The following NTRK3 variants were observed in gnomAD, a reference collection of about 807,000 sequenced individuals.
NTRK3 encodes NT-3 growth factor receptor.
In NTRK3, 24 loss-of-function variants were observed where a neutral mutation model predicts 91.7. The ratio of observed to expected loss-of-function variants is 0.26; its 90% CI spans 0.19 to 0.37. The LOEUF is 0.37. Among genes scored for constraint, NTRK3 ranks in the 10% least tolerant of loss-of-function variants. The pLI, the probability that NTRK3 is intolerant of heterozygous loss-of-function variation, is 1.00. For missense variants in NTRK3, 880 were observed against 1,068.9 expected (o/e 0.82, Z 2.46); for synonymous variants, 483 against 404.0 (o/e 1.20, Z -2.34).
chr15:88,142,723 G>A (rs969550947), intron 6 of NTRK3, among the ~76,000 whole-genome samples: 3 of 152,196 alleles, frequency 2.0e-5, no homozygotes, highest in African/African-American at 7.2e-5. Flanking sequence ...GATCTGAGTT[G>A]GGACAGCTGT....
At chr15:88,045,055 G>A (rs1425808707) in intron 13 of NTRK3, among the ~76,000 whole-genome samples, 1 of 152,134 alleles carries the variant, frequency 6.6e-6, no homozygotes, top group African/African-American at 2.4e-5. Context: ...GCCCATCTTA[G>A]GTAGCACATC....
intron 14 of NTRK3, among the ~76,000 whole-genome samples, chr15:87,944,177 T>C (rs1234494670): frequency 6.6e-6 from 1 of 152,198 alleles, no homozygotes; most frequent in Non-Finnish European, 1.5e-5. Flanking sequence ...AGGAAAGGAC[T>C]GGTTCCTCAT....
intron 17 of NTRK3, chr15:87,928,035 A>C (rs1432967005): frequency 6.6e-6 from 1 of 152,090 alleles, no homozygotes; most frequent in Non-Finnish European, 1.5e-5. Context: ...GCTGGAGTGC[A>C]GTGGTGTGAT....
intron 13 of NTRK3, among the ~76,000 whole-genome samples, chr15:88,079,658 G>T (rs1339057066): frequency 1.3e-5 from 2 of 152,150 alleles, no homozygotes; most frequent in Non-Finnish European, 2.9e-5. Flanking sequence ...TAGTGGACAT[G>T]CCATTTGACT....
chr15:88,016,924 C>G (rs1596720048), intron 14 of NTRK3, among the ~76,000 whole-genome samples: 1 of 125,084 alleles, frequency 8.0e-6, no homozygotes, highest in Non-Finnish European at 1.6e-5. Flanking sequence ...TATACCCTTT[C>G]AGACAGAGGT....
intron 13 of NTRK3, among the ~76,000 whole-genome samples, chr15:88,122,116 A>G (rs531284977): frequency 6.6e-6 from 1 of 152,392 alleles, no homozygotes; most frequent in African/African-American, 2.4e-5. Context: ...CAAGTTACTC[A>G]GAGTATAAGC....
chr15:88,060,601 TG>T (rs1414102210), intron 13 of NTRK3, among the ~76,000 whole-genome samples: 2 of 152,010 alleles, frequency 1.3e-5, no homozygotes, highest in Admixed American at 1.3e-4. Flanking sequence ...TGCATGACCA[TG>T]GGGACCATCC....
At chr15:88,190,908 A>T (rs2047332088) in intron 3 of NTRK3, among the ~76,000 whole-genome samples, 1 of 152,230 alleles carries the variant, frequency 6.6e-6, no homozygotes, top group African/African-American at 2.4e-5. Flanking sequence ...ATGTAAAGTA[A>T]GCGTAAATAG....
chr15:88,206,658 G>GAA (rs758639696), intron 3 of NTRK3, among the ~76,000 whole-genome samples: 60 of 59,514 alleles, frequency 1.0e-3, no homozygotes, highest in African/African-American at 2.4e-3. Context: ...ACTCCGTCTC[G>GAA]AAAAAAAAAA....
At chr15:88,256,696 C>T (rs1397668529) in exon 1 of NTRK3, 2 of 384,686 alleles carry the variant, frequency 5.2e-6, no homozygotes, top group African/African-American at 2.1e-5. Context: ...CTGCAGCAGC[C>T]GCCGCGAATG....
At chr15:87,910,296 G>A (rs990047272) in intron 17 of NTRK3, among the ~76,000 whole-genome samples, 17 of 152,188 alleles carry the variant, frequency 1.1e-4, no homozygotes, top group African/African-American at 3.1e-4. Context: ...GCATGGACCC[G>A]GGCAGCTCCT....
intron 6 of NTRK3, 82 bp from the exon 7 acceptor site, chr15:88,137,643 A>ACCCGACC: frequency 6.9e-7 from 1 of 1,445,850 alleles, no homozygotes; most frequent in Non-Finnish European, 9.6e-7. Flanking sequence ...GACAAGGGGG[A>ACCCGACC]CCCGACCTGT....
At chr15:88,117,203 T>C (rs570637848) in intron 13 of NTRK3, among the ~76,000 whole-genome samples, 1 of 152,354 alleles carries the variant, frequency 6.6e-6, no homozygotes, top group African/African-American at 2.4e-5. Flanking sequence ...TCATTTAAAA[T>C]CTAGTTTTGA....
chr15:88,009,871 G>GA (rs1356575367), intron 14 of NTRK3, among the ~76,000 whole-genome samples: 1 of 152,142 alleles, frequency 6.6e-6, no homozygotes, highest in Middle Eastern at 3.2e-3. Flanking sequence ...GATCCAGTGA[G>GA]AAAAAAGCAC....
chr15:88,194,388 A>G (rs1306334660), intron 3 of NTRK3, among the ~76,000 whole-genome samples: 1 of 152,246 alleles, frequency 6.6e-6, no homozygotes, highest in African/African-American at 2.4e-5. Context: ...CCTGAGCTCC[A>G]GATGTTTAGC....
At chr15:88,226,346 A>T (rs529331491) in intron 3 of NTRK3, among the ~76,000 whole-genome samples, 113 of 152,274 alleles carry the variant, frequency 7.4e-4, no homozygotes, top group African/African-American at 2.7e-3. Flanking sequence ...CTCAGGGTAG[A>T]TCCCAGGAAG....
At chr15:88,083,321 A>G (rs893089835) in intron 13 of NTRK3, among the ~76,000 whole-genome samples, 1 of 152,088 alleles carries the variant, frequency 6.6e-6, no homozygotes, top group Non-Finnish European at 1.5e-5. Context: ...CCCAGGTTCA[A>G]GCAATTCTCC....
At chr15:88,104,221 G>A (rs538073349) in intron 13 of NTRK3, among the ~76,000 whole-genome samples, 74 of 152,322 alleles carry the variant, frequency 4.9e-4, no homozygotes, top group Middle Eastern at 3.4e-3. Flanking sequence ...GAAAGATGAC[G>A]ACTTTTCACT....
chr15:87,994,854 A>T (rs143828052), intron 14 of NTRK3, among the ~76,000 whole-genome samples: 115 of 152,324 alleles, frequency 7.5e-4, no homozygotes, highest in African/African-American at 2.6e-3. Flanking sequence ...CTAGAACTGC[A>T]GCTGTGGAAT....
Sources: allele counts gnomAD v4.1 joint callset (sites outside exome capture counted in the v4.1 genomes callset), GRCh38; gene constraint gnomAD v4.1.1; transcripts MANE v1.5; gene names NCBI Gene and HGNC (gene_info 2026-07-23, HGNC 2026-07-21).